HACD1: variants seen among roughly 807,000 people sequenced by gnomAD.
The protein encoded by HACD1 is very-long-chain (3R)-3-hydroxyacyl-CoA dehydratase 1.
Under a neutral mutation model 32.0 loss-of-function variants are expected in HACD1, and 41 were observed. The ratio of observed to expected loss-of-function variants is 1.28; its 90% CI spans 1.00 to 1.66. The LOEUF (loss-of-function observed/expected upper bound fraction) is 1.66, where lower values mean the gene tolerates loss of function less well. Among genes scored for constraint, HACD1 ranks in the 40% most tolerant of loss-of-function variants. The probability of loss-of-function intolerance (pLI) is 0.00; values close to 1 mark genes in which losing one functional copy is unlikely to be tolerated. For synonymous variants in HACD1, 142 were observed against 139.0 expected, an observed-to-expected ratio of 1.02 and a Z score of -0.15; for missense variants, 396 against 380.1, an observed-to-expected ratio of 1.04 and a Z score of -0.35.
intron 1 of HACD1, among the ~76,000 whole-genome samples, chr10:17,609,705 A>G (rs1834202681): frequency 6.6e-6 from 1 of 152,118 alleles, no homozygotes; most frequent in Non-Finnish European, 1.5e-5. Context: ...CACTTTGGAA[A>G]CCAGTTTGGC....
intron 4 of HACD1, among the ~76,000 whole-genome samples, chr10:17,601,096 C>T (rs146119963): frequency 1.4e-3 from 211 of 151,068 alleles, no homozygotes; most frequent in African/African-American, 4.7e-3. Flanking sequence ...TGCAGTGATG[C>T]GATCTCAGCT....
At chr10:17,604,785 T>C (rs2131514007) in intron 1 of HACD1, among the ~76,000 whole-genome samples, 1 of 152,310 alleles carries the variant, frequency 6.6e-6, no homozygotes. Flanking sequence ...GCCTCACTGC[T>C]GCCTTGACGT....
At chr10:17,599,032 C>A in intron 5 of HACD1, 2 of 503,098 alleles carry the variant, frequency 4.0e-6, no homozygotes, top group African/African-American at 2.0e-5. Flanking sequence ...AAATGAATGA[C>A]TAATTCTGAG....
chr10:17,616,790 G>C (rs189220377), intron 1 of HACD1, among the ~76,000 whole-genome samples: 3,518 of 152,118 alleles, frequency 0.023, 54 homozygotes, highest in Middle Eastern at 0.075. Flanking sequence ...CAGCGGCGCC[G>C]GGGCAGCAGC....
intron 5 of HACD1, among the ~76,000 whole-genome samples, chr10:17,597,734 C>A (rs1442271381): frequency 2.0e-5 from 3 of 151,862 alleles, no homozygotes; most frequent in African/African-American, 7.2e-5. Flanking sequence ...GGATTAGAGT[C>A]CAGCTACATT....
chr10:17,594,482 CTCTTT>C, intron 5 of HACD1, 99 bp from the exon 6 acceptor site: 2 of 935,334 alleles, frequency 2.1e-6, no homozygotes, highest in Non-Finnish European at 1.5e-6. Context: ...CTTCAAAATT[CTCTTT>C]TCTTTACATA....
chr10:17,590,875 A>G (rs1430854145), intron 6 of HACD1, among the ~76,000 whole-genome samples: 1 of 152,106 alleles, frequency 6.6e-6, no homozygotes, highest in Non-Finnish European at 1.5e-5. Flanking sequence ...GGATTTCACC[A>G]GGTTGGTCAG....
chr10:17,595,872 G>A (rs1159754230), intron 5 of HACD1, among the ~76,000 whole-genome samples: 8 of 152,048 alleles, frequency 5.3e-5, no homozygotes, highest in African/African-American at 1.9e-4. Context: ...TGTCGCCCCA[G>A]CTACTTGGGA....
At chr10:17,601,590 T>C (rs1834071225) in intron 4 of HACD1, among the ~76,000 whole-genome samples, 1 of 152,172 alleles carries the variant, frequency 6.6e-6, no homozygotes, top group Admixed American at 6.5e-5. Context: ...GTCTAGTTAA[T>C]GTTGTCTTTC....
At chr10:17,605,539 A>T (rs1834134432) in intron 1 of HACD1, among the ~76,000 whole-genome samples, 1 of 151,710 alleles carries the variant, frequency 6.6e-6, no homozygotes, top group African/African-American at 2.4e-5. Context: ...AAAAAAAAAA[A>T]AAAGTCATCA....
chr10:17,610,616 G>A (rs561586959), intron 1 of HACD1, among the ~76,000 whole-genome samples: 2 of 149,948 alleles, frequency 1.3e-5, no homozygotes, highest in Non-Finnish European at 2.9e-5. Flanking sequence ...CTGCACTCCA[G>A]AGCCAGACTC....
chr10:17,595,055 C>A (rs1202135501), intron 5 of HACD1, among the ~76,000 whole-genome samples: 6 of 151,868 alleles, frequency 4.0e-5, no homozygotes, highest in African/African-American at 1.5e-4. Context: ...GACAGGGTTT[C>A]ACCATGTTGG....
intron 4 of HACD1, chr10:17,602,982 G>T (rs1834093375): frequency 1.3e-5 from 2 of 152,140 alleles, no homozygotes; most frequent in Admixed American, 1.3e-4. Flanking sequence ...TTGCCTCTCG[G>T]GTTCAAGCGA....
rs568148178 is a variant in HACD1, at chr10:17,598,057, C to T, written c.605+1233G>A. ...GGTGGATCACTTGAGCTCAGGTGTT[C>T]GAGACCAGCCTGGGCAACATGGTAA... On this transcript the variant is annotated intron_variant, in intron 5 of 6. Transcript: ENST00000361271. 3.6e-4 allele frequency among the ~76,000 whole-genome samples: 54 copies of T among 151,668 alleles called. 1 individual carries two copies. The South Asian group carries it at 0.011, about 30-fold the overall frequency.
intron 1 of HACD1, among the ~76,000 whole-genome samples, chr10:17,613,078 C>G (rs1833013956): frequency 6.7e-6 from 1 of 148,204 alleles, no homozygotes; most frequent in Admixed American, 6.8e-5. Context: ...AAATACTATT[C>G]CGTTGCTTTG....
intron 1 of HACD1, 58 bp from the exon 2 acceptor site, chr10:17,604,105 A>G (rs985427811): frequency 6.5e-6 from 8 of 1,232,296 alleles, no homozygotes; most frequent in Admixed American, 2.3e-5. Flanking sequence ...TGATTTATAC[A>G]TTTGTGTTTA....
chr10:17,601,179 G>A (rs569423646), intron 4 of HACD1, among the ~76,000 whole-genome samples: 53 of 152,024 alleles, frequency 3.5e-4, no homozygotes, highest in Non-Finnish European at 4.6e-4. Flanking sequence ...GACTACAGGT[G>A]CGCACCACCA....
rs879949529 is a variant in HACD1, at chr10:17,589,177, A to T, written c.*1187T>A. 6.6e-6 allele frequency: 1 copy of T among 152,232 alleles called. No homozygotes were observed. The highest frequency in any genetic ancestry group is 1.5e-5 in the Non-Finnish European group (1 of 68,048). The allele number at this position is 152,232 out of a possible 1,614,324, so 9.4% of individuals were successfully genotyped here. The stretch of plus-strand genomic sequence containing the variant: ...ACCTAAGTACCACAAAGGGATTATC[A>T]TAACAATTGTTACAAGATAATTCTA... On this transcript the variant is annotated 3_prime_UTR_variant, in exon 7 of 7. Transcript: ENST00000361271.
intron 4 of HACD1, among the ~76,000 whole-genome samples, chr10:17,601,503 C>T (rs907896471): frequency 2.6e-5 from 4 of 152,130 alleles, no homozygotes; most frequent in Admixed American, 1.3e-4. Flanking sequence ...GGAGGATAAA[C>T]GGGGCAGACG....
Sources: gnomAD v4.1 joint callset for allele counts (sites outside exome capture counted in the v4.1 genomes callset) on GRCh38, gnomAD v4.1.1 for gene constraint, MANE v1.5 for transcripts, NCBI Gene and HGNC (gene_info 2026-07-23, HGNC 2026-07-21) for gene names.